Variants in PDE3A observed in about 807,000 individuals in gnomAD.
The protein encoded by PDE3A is cGMP-inhibited 3',5'-cyclic phosphodiesterase 3A.
PDE3A carries 43 observed loss-of-function variants against 98.3 expected under a neutral mutation model. The observed-to-expected ratio is 0.44, with a 90% CI of 0.34 to 0.56. PDE3A has a LOEUF of 0.56. Among genes scored for constraint, PDE3A ranks in the 20% least tolerant of loss-of-function variants. The probability of loss-of-function intolerance (pLI) is 0.01; values close to 1 mark genes in which losing one functional copy is unlikely to be tolerated. For synonymous variants in PDE3A, 663 were observed against 567.9 expected, an observed-to-expected ratio of 1.17 and a Z score of -2.38; for missense variants, 1,427 against 1,440.7, an observed-to-expected ratio of 0.99 and a Z score of 0.15.
At chr12:20,583,121 C>T (rs985331916) in intron 2 of PDE3A, among the ~76,000 whole-genome samples, 1 of 152,140 alleles carries the variant, frequency 6.6e-6, no homozygotes. Flanking sequence ...TCCCTCAGAA[C>T]TCAGATTCTG....
intron 8 of PDE3A, among the ~76,000 whole-genome samples, chr12:20,636,104 C>T (rs1436534821): frequency 1.3e-5 from 2 of 152,142 alleles, no homozygotes; most frequent in Non-Finnish European, 2.9e-5. Context: ...TCTAGTATCT[C>T]CTTGACTTAG....
At chr12:20,632,305 G>A (rs1448457511) in intron 6 of PDE3A, among the ~76,000 whole-genome samples, 1 of 152,134 alleles carries the variant, frequency 6.6e-6, no homozygotes, top group Non-Finnish European at 1.5e-5. Flanking sequence ...TTAGTATGCA[G>A]ATACGGTCTA....
At chr12:20,664,801 A>T (rs1166224171) in intron 15 of PDE3A, among the ~76,000 whole-genome samples, 1 of 152,086 alleles carries the variant, frequency 6.6e-6, no homozygotes, top group African/African-American at 2.4e-5. Context: ...TTTGTAAATT[A>T]TCCAGTCTCA....
intron 2 of PDE3A, among the ~76,000 whole-genome samples, chr12:20,595,644 A>C (rs1324331988): frequency 2.6e-5 from 4 of 152,188 alleles, no homozygotes; most frequent in South Asian, 4.1e-4. Context: ...TAATATAGCA[A>C]GTTTAAAGTA....
At chr12:20,453,720 C>G (rs998693776) in intron 1 of PDE3A, among the ~76,000 whole-genome samples, 1 of 152,002 alleles carries the variant, frequency 6.6e-6, no homozygotes, top group Non-Finnish European at 1.5e-5. Context: ...ATTGATAATC[C>G]CATTAGATTT....
intron 15 of PDE3A, among the ~76,000 whole-genome samples, chr12:20,666,438 T>C (rs1438355341): frequency 6.6e-6 from 1 of 152,166 alleles, no homozygotes; most frequent in Non-Finnish European, 1.5e-5. Flanking sequence ...CCCCCAACCA[T>C]ACACCCTTCT....
chr12:20,565,234 C>T (rs1297608027), intron 2 of PDE3A, among the ~76,000 whole-genome samples: 8 of 151,954 alleles, frequency 5.3e-5, no homozygotes, highest in Admixed American at 5.2e-4. Context: ...TTGCCTTCCA[C>T]TTGAGAGAAT....
intron 10 of PDE3A, among the ~76,000 whole-genome samples, chr12:20,646,023 G>A (rs1350539877): frequency 6.6e-6 from 1 of 152,116 alleles, no homozygotes; most frequent in Non-Finnish European, 1.5e-5. Flanking sequence ...GATTGATACA[G>A]AAAAATGGTA....
At chr12:20,662,323 T>C (rs999673237) in intron 15 of PDE3A, among the ~76,000 whole-genome samples, 12 of 151,554 alleles carry the variant, frequency 7.9e-5, no homozygotes, top group African/African-American at 2.4e-4. Context: ...TGGTCTCAGA[T>C]AAAGATGAGG....
rs149473967 is a variant in PDE3A at position 20,404,335 on chromosome 12, T to C, written c.960+34091T>C. 6.3e-4 allele frequency among the ~76,000 whole-genome samples: 96 copies of C among 152,274 alleles called. No individual in the cohort carries two copies. The East Asian group carries it at 0.016, about 25-fold the overall frequency. On this transcript the variant is annotated intron_variant, in intron 1 of 15. Coordinates refer to ENST00000359062, the MANE Select transcript of PDE3A (RefSeq NM_000921.5). ...AATTTTAGCAGAAGTGACTTAATTA[T>C]AATCTTGGAGATGCATGTTGCTTAC...
chr12:20,526,378 T>G (rs966590548), intron 1 of PDE3A, among the ~76,000 whole-genome samples: 4 of 152,222 alleles, frequency 2.6e-5, no homozygotes, highest in African/African-American at 9.6e-5. Context: ...TTTGAAAACT[T>G]ATTTGCCTGT....
chr12:20,630,664 A>G (rs902685122), intron 6 of PDE3A, among the ~76,000 whole-genome samples: 3 of 152,188 alleles, frequency 2.0e-5, no homozygotes, highest in Admixed American at 2.0e-4. Flanking sequence ...ACAAAATTAC[A>G]AAGTGTTATC....
At chr12:20,461,597 T>A (rs1945254306) in intron 1 of PDE3A, among the ~76,000 whole-genome samples, 1 of 152,146 alleles carries the variant, frequency 6.6e-6, no homozygotes, top group Admixed American at 6.6e-5. Flanking sequence ...TCTAGAAAAA[T>A]TAGATAAACA....
intron 2 of PDE3A, among the ~76,000 whole-genome samples, chr12:20,611,996 TAGA>T (rs1382522755): frequency 3.3e-5 from 5 of 151,936 alleles, no homozygotes; most frequent in Non-Finnish European, 7.4e-5. Flanking sequence ...TAGATATTTG[TAGA>T]AGTATTTCTT....
intron 10 of PDE3A, among the ~76,000 whole-genome samples, chr12:20,644,650 G>T (rs1438404733): frequency 6.6e-6 from 1 of 152,148 alleles, no homozygotes; most frequent in Non-Finnish European, 1.5e-5. Context: ...ATTTGTAAAT[G>T]TAATGGGCTC....
At chr12:20,571,863 C>G in intron 2 of PDE3A, 1 of 994,462 alleles carries the variant, frequency 1.0e-6, no homozygotes, top group Non-Finnish European at 1.2e-6. Context: ...AGTAGTACTT[C>G]ATTTGACTCT....
rs11045393 is a variant in PDE3A at position 20,688,327 on chromosome 12, G to T, written c.*8056G>T. ...TATTGTTAGGCGACTTAGTGGCGGA[G>T]AAATGTTTGTAAAAAGTAGAATCTG... is the stretch of plus-strand genomic sequence containing the variant. On this transcript the variant is annotated 3_prime_UTR_variant, in exon 16 of 16. Transcript: ENST00000359062. Among the ~76,000 whole-genome samples the T allele has an allele frequency of 6.6e-6, 1 of 151,842 alleles. No homozygotes were observed. Among genetic ancestry groups the T allele is most frequent in the Non-Finnish European group, 1.5e-5 (1 of 67,926 alleles).
At chr12:20,624,648 T>C (rs1944215593) in intron 5 of PDE3A, among the ~76,000 whole-genome samples, 1 of 152,172 alleles carries the variant, frequency 6.6e-6, no homozygotes, top group African/African-American at 2.4e-5. Context: ...ACAGCACAGC[T>C]AAAAGTTTAT....
chr12:20,461,602 T>C (rs1945254417), intron 1 of PDE3A, among the ~76,000 whole-genome samples: 1 of 152,192 alleles, frequency 6.6e-6, no homozygotes, highest in African/African-American at 2.4e-5. Context: ...AAAAATTAGA[T>C]AAACATAATC....
Sources: allele counts gnomAD v4.1 joint callset (sites outside exome capture counted in the v4.1 genomes callset), GRCh38; gene constraint gnomAD v4.1.1; transcripts MANE v1.5; gene names NCBI Gene and HGNC (gene_info 2026-07-23, HGNC 2026-07-21).